Variants in GABRR2 observed in about 807,000 individuals in gnomAD.
GABRR2 encodes the protein gamma-aminobutyric acid receptor subunit rho-2.
GABRR2 carries 36 observed loss-of-function variants against 47.0 expected under a neutral mutation model. The ratio of observed to expected loss-of-function variants is 0.77; its 90% CI spans 0.59 to 1.01. The LOEUF (loss-of-function observed/expected upper bound fraction) is 1.01. GABRR2 is among the 50% of genes least tolerant of loss of function. GABRR2 has a pLI of 0.00. For missense variants in GABRR2, 587 were observed against 594.6 expected (o/e 0.99, Z 0.13); for synonymous variants, 204 against 227.5 (o/e 0.90, Z 0.93).
intron 3 of GABRR2, among the ~76,000 whole-genome samples, chr6:89,270,979 G>C (rs773877662): frequency 6.6e-5 from 10 of 152,318 alleles, no homozygotes; most frequent in South Asian, 2.1e-4. Flanking sequence ...TAGATCAGGA[G>C]GTCAGGGAAG....
chr6:89,279,695 A>AC (rs1240602702), intron 2 of GABRR2, among the ~76,000 whole-genome samples: 3 of 138,770 alleles, frequency 2.2e-5, no homozygotes, highest in Non-Finnish European at 4.7e-5. Flanking sequence ...AAAAAAAAAA[A>AC]ACCCCACTGA....
At position 89,290,028 on chromosome 6, in the gene GABRR2, C is replaced by T. The variant is rs118137968; in HGVS notation, c.220+9731G>A. Among the ~76,000 whole-genome samples, 774 of 152,332 alleles carry T rather than the reference C, an allele frequency of 5.1e-3. 2 individuals are homozygous for T. Among genetic ancestry groups the T allele is most frequent in the Middle Eastern group, 0.024 (7 of 292 alleles). ...TCTCTTGAGAGTGAGAACTCACTCA[C>T]TACCAAGAGAACAAACAGTGCCAAG... On this transcript the variant is annotated intron_variant, in intron 2 of 8. Transcript: ENST00000402938.
At chr6:89,277,586 C>A (rs1047713681) in intron 2 of GABRR2, among the ~76,000 whole-genome samples, 1 of 151,568 alleles carries the variant, frequency 6.6e-6, no homozygotes, top group Non-Finnish European at 1.5e-5. Context: ...ACACTAGAAG[C>A]CCAATGCCCA....
At chr6:89,296,396 C>G (rs768770765) in intron 2 of GABRR2, among the ~76,000 whole-genome samples, 9 of 152,218 alleles carry the variant, frequency 5.9e-5, no homozygotes, top group Non-Finnish European at 8.8e-5. Context: ...CTCTCCTCCC[C>G]CCGTTTCATC....
chr6:89,306,431 G>A (rs2127849880), intron 1 of GABRR2, among the ~76,000 whole-genome samples: 1 of 152,220 alleles, frequency 6.6e-6, no homozygotes, highest in South Asian at 2.1e-4. Flanking sequence ...GACAAATATA[G>A]TCAAAACTTT....
chr6:89,262,354 A>G (rs1773768677), intron 8 of GABRR2, among the ~76,000 whole-genome samples: 1 of 152,168 alleles, frequency 6.6e-6, no homozygotes, highest in African/African-American at 2.4e-5. Flanking sequence ...ACCTTCATAA[A>G]TATTCATAAA....
intron 2 of GABRR2, among the ~76,000 whole-genome samples, chr6:89,283,749 T>G (rs570435118): frequency 6.1e-4 from 93 of 152,252 alleles, no homozygotes; most frequent in African/African-American, 2.2e-3. Context: ...GGGACAGCGT[T>G]TGGAACCAAG....
At chr6:89,279,926 C>T (rs1774227306) in intron 2 of GABRR2, among the ~76,000 whole-genome samples, 1 of 151,980 alleles carries the variant, frequency 6.6e-6, no homozygotes, top group African/African-American at 2.4e-5. Flanking sequence ...AATAGTTACA[C>T]TGTCTGGCTG....
chr6:89,275,437 C>A (rs1774141581), intron 2 of GABRR2, among the ~76,000 whole-genome samples: 1 of 152,070 alleles, frequency 6.6e-6, no homozygotes, highest in South Asian at 2.1e-4. Flanking sequence ...CCACACCTGG[C>A]TAATTCTTGT....
In GABRR2 at chr6:89,257,483, C is replaced by T. The variant is rs1348012447; in HGVS notation, c.*187G>A. ...GAGACAGCATGAACATGGAGCAGCC[C>T]CACGGGGTCTGGGGTCAGGGCAGCT... On this transcript the variant is annotated 3_prime_UTR_variant, in exon 9 of 9. Transcript: ENST00000402938. 3.3e-6 allele frequency: 2 copies of T among 597,030 alleles called. No homozygotes were observed. The highest frequency in any genetic ancestry group is 5.9e-6 in the Non-Finnish European group (2 of 337,912). 37.0% of individuals were successfully genotyped at this position (597,030 alleles called of 1,614,324 possible). A position where few individuals can be genotyped will look rare whatever the true frequency, so the allele number is the denominator to read the frequency against.
In GABRR2 at chr6:89,256,947, T is replaced by C. The variant is rs752160185; in HGVS notation, c.*723A>G. ...CAGCAAACAGAATGGGTCTGTGGGG[T>C]AAGCGGGGTTGAAGGAGGGGAAAGA... On this transcript the variant is annotated 3_prime_UTR_variant, in exon 9 of 9. Transcript: ENST00000402938. Among the ~76,000 whole-genome samples, 43 of 152,072 alleles carry C rather than the reference T, an allele frequency of 2.8e-4. 1 individual carries two copies. Among genetic ancestry groups the C allele is most frequent in the Non-Finnish European group, 7.4e-5 (5 of 68,014 alleles).
rs757676586 is a variant in GABRR2 at position 89,268,123 on chromosome 6, C to T, written c.513-27G>A. On this transcript the variant is annotated intron_variant, in intron 4 of 8. Coordinates refer to ENST00000402938, the MANE Select transcript of GABRR2 (RefSeq NM_002043.5). ...TAGACAACCCAGAGTCACATATTGGCTTGTGCGGTGAATTATTGGCTCCTA... is the reference window on the plus strand; with the variant it reads ...TAGACAACCCAGAGTCACATATTGGTTTGTGCGGTGAATTATTGGCTCCTA... 2.6e-6 allele frequency: 4 copies of T among 1,564,824 alleles called. No homozygotes were observed. The Admixed American group carries it at 5.4e-5, about 21-fold the overall frequency.
At chr6:89,295,482 ATT>A (rs898935951) in intron 2 of GABRR2, among the ~76,000 whole-genome samples, 1 of 150,034 alleles carries the variant, frequency 6.7e-6, no homozygotes, top group Non-Finnish European at 1.5e-5. Flanking sequence ...TTTTGATGGG[ATT>A]TTTTTTTAAT....
intron 1 of GABRR2, among the ~76,000 whole-genome samples, chr6:89,312,028 A>AG (rs1002688476): frequency 6.6e-5 from 10 of 151,410 alleles, no homozygotes; most frequent in African/African-American, 2.5e-4. Context: ...AGGATGGCCG[A>AG]GGTAGGGGTA....
chr6:89,265,819 C>A, intron 6 of GABRR2, 54 bp from the exon 7 acceptor site: 1 of 1,575,110 alleles, frequency 6.3e-7, no homozygotes, highest in Non-Finnish European at 8.7e-7. Flanking sequence ...TGAAAGCAAA[C>A]TGTGTCCCTG....
At chr6:89,300,133 T>C (rs891068478) in intron 1 of GABRR2, among the ~76,000 whole-genome samples, 1 of 152,214 alleles carries the variant, frequency 6.6e-6, no homozygotes, top group African/African-American at 2.4e-5. Flanking sequence ...GTAAAGGCTA[T>C]AATTGGATGA....
chr6:89,267,643 G>T, intron 6 of GABRR2, 36 bp downstream of exon 6: 1 of 1,584,056 alleles, frequency 6.3e-7, no homozygotes, highest in Non-Finnish European at 8.6e-7. Context: ...GTGCTTTCTT[G>T]CACATTTGAA....
At chr6:89,302,019 CT>C in intron 1 of GABRR2, 2 of 683,766 alleles carry the variant, frequency 2.9e-6, no homozygotes, top group Non-Finnish European at 5.3e-6. Context: ...GGCTCGGGGC[CT>C]TTTGGACATT....
rs1562398749 is a variant in GABRR2, at chr6:89,315,037, C to A, written c.113+16G>T. The A allele has an allele frequency of 2.5e-6, 4 of 1,608,468 alleles. No individual in the cohort carries two copies. Among genetic ancestry groups the A allele is most frequent in the Non-Finnish European group, 3.4e-6 (4 of 1,176,124 alleles). ...TATGCAGGGTAACCTCCCTCCTTTC[C>A]CACCTATGACTTTACCTTGGCTTGG... On this transcript the variant is annotated intron_variant, in intron 1 of 8. Transcript: ENST00000402938.
Sources: gnomAD v4.1 joint callset for allele counts (sites outside exome capture counted in the v4.1 genomes callset) on GRCh38, gnomAD v4.1.1 for gene constraint, MANE v1.5 for transcripts, NCBI Gene and HGNC (gene_info 2026-07-23, HGNC 2026-07-21) for gene names.